The following MASP1 variants were observed in gnomAD, a reference collection of about 807,000 sequenced individuals.
The protein encoded by MASP1 is MBL associated serine protease 1, also known as mannan-binding lectin serine protease 1.
In MASP1, 59 loss-of-function variants were observed where a neutral mutation model predicts 77.1. The observed-to-expected ratio is 0.77, with a 90% CI of 0.62 to 0.95. The LOEUF (loss-of-function observed/expected upper bound fraction) is 0.95. MASP1 is among the 40% of genes least tolerant of loss of function. The pLI, the probability that MASP1 is intolerant of heterozygous loss-of-function variation, is 0.00. For missense variants in MASP1, 885 were observed against 912.9 expected (o/e 0.97, Z 0.39); for synonymous variants, 362 against 354.5 (o/e 1.02, Z -0.24).
chr3:187,237,955 T>TG (rs1713314261), intron 10 of MASP1, among the ~76,000 whole-genome samples: 1 of 152,226 alleles, frequency 6.6e-6, no homozygotes, highest in Non-Finnish European at 1.5e-5. Context: ...TGCTTGATCC[T>TG]GGGGCACCCT....
intron 4 of MASP1, among the ~76,000 whole-genome samples, chr3:187,257,887 G>A (rs1475006070): frequency 6.6e-6 from 1 of 152,052 alleles, no homozygotes; most frequent in Non-Finnish European, 1.5e-5. Flanking sequence ...ATGATGGAGT[G>A]GTAGGTTAGA....
chr3:187,237,278 C>G (rs1382837343), intron 10 of MASP1, among the ~76,000 whole-genome samples: 1 of 152,228 alleles, frequency 6.6e-6, no homozygotes, highest in East Asian at 1.9e-4. Flanking sequence ...AGTAAACCTC[C>G]TGAGTTTAAG....
downstream of MASP1, among the ~76,000 whole-genome samples, chr3:187,230,484 T>C (rs1712703432): frequency 6.6e-6 from 1 of 152,232 alleles, no homozygotes; most frequent in East Asian, 1.9e-4. Context: ...TTTTTTCCCC[T>C]TAAGCTGCTT....
chr3:187,220,496 C>CTTTTTTTTTTTTTTTTTTTTTTTTTTCTT (rs376566294), intron 15 of MASP1, among the ~76,000 whole-genome samples: 1 of 127,766 alleles, frequency 7.8e-6, no homozygotes, highest in African/African-American at 3.1e-5. Flanking sequence ...TTTTTTCTTT[C>CTTTTTTTTTTTTTTTTTTTTTTTTTTCTT]TTTTTTTTTT....
intron 5 of MASP1, among the ~76,000 whole-genome samples, chr3:187,254,273 C>A (rs148015553): frequency 6.6e-6 from 1 of 152,210 alleles, no homozygotes; most frequent in African/African-American, 2.4e-5. Context: ...GTAATCATTC[C>A]TATAATGGTA....
intron 4 of MASP1, among the ~76,000 whole-genome samples, chr3:187,258,877 T>G (rs80342625): frequency 0.084 from 12,830 of 152,250 alleles, 696 homozygotes; most frequent in East Asian, 0.25. Flanking sequence ...AACCCTGGAG[T>G]TGCTCTGAAC....
chr3:187,249,006 A>C (rs1391146020), intron 8 of MASP1, among the ~76,000 whole-genome samples: 1 of 152,176 alleles, frequency 6.6e-6, no homozygotes, highest in African/African-American at 2.4e-5. Context: ...TTGCATGAAA[A>C]TTCATGAAAG....
chr3:187,251,506 G>T, intron 7 of MASP1, 128 bp downstream of exon 7: 2 of 781,756 alleles, frequency 2.6e-6, no homozygotes, highest in South Asian at 1.4e-5. Context: ...TTGAGAAGTT[G>T]ATGGGCAGCT....
At chr3:187,259,895 C>T (rs1171402583) in intron 4 of MASP1, among the ~76,000 whole-genome samples, 2 of 152,158 alleles carry the variant, frequency 1.3e-5, no homozygotes, top group African/African-American at 4.8e-5. Context: ...TTGACTGTTC[C>T]CTGAAACATT....
chr3:187,281,082 C>T (rs767264046), intron 2 of MASP1, among the ~76,000 whole-genome samples: 4 of 152,246 alleles, frequency 2.6e-5, no homozygotes, highest in Non-Finnish European at 5.9e-5. Context: ...TGCCTCTTGC[C>T]TGCAGCATTA....
chr3:187,248,244 A>C (rs563155240), intron 8 of MASP1, among the ~76,000 whole-genome samples: 1 of 152,298 alleles, frequency 6.6e-6, no homozygotes, highest in African/African-American at 2.4e-5. Context: ...TCAGGGAAAA[A>C]TTATTAATGT....
chr3:187,240,491 G>A (rs989558670), intron 10 of MASP1, among the ~76,000 whole-genome samples: 4 of 152,038 alleles, frequency 2.6e-5, no homozygotes, highest in African/African-American at 7.2e-5. Flanking sequence ...TAAAAAAAAT[G>A]TAAATTACTA....
intron 11 of MASP1, chr3:187,226,612 A>G: frequency 1.2e-6 from 1 of 824,656 alleles, no homozygotes; most frequent in South Asian, 1.4e-5. Context: ...ACTCCAGAGG[A>G]CCCCTCAAGA....
chr3:187,278,084 T>C lies in MASP1; in HGVS notation c.237+7741A>G, dbSNP rs1270432319. On this transcript the variant is annotated intron_variant, in intron 2 of 10. Coordinates refer to ENST00000296280, the MANE Select transcript of MASP1 (RefSeq NM_139125.4). The stretch of plus-strand genomic sequence containing the variant: ...GAGCTAATTAGAGATGTGTTGGACA[T>C]ATGACATTAAAGCATTTACTTCATT... Among the ~76,000 whole-genome samples the C allele has an allele frequency of 4.6e-5, 7 of 152,354 alleles. No individual in the cohort carries two copies. The East Asian group carries it at 1.2e-3, about 25-fold the overall frequency.
chr3:187,260,776 C>A lies in MASP1; in HGVS notation c.512G>T (p.Gly171Val). The change falls in exon 4 of 11, where the codon GGC (glycine) becomes GTC (valine). Residue 171 changes from glycine to valine, a missense_variant. By Grantham distance (109) the Gly-to-Val change is moderately radical. Transcript: ENST00000296280. ...CCTGTTGTCTGTGTGGAGGATGTAGCCGAAGCGGCAGGAGCAGTAGTAGCC... is the reference window on the plus strand; with the variant it reads ...CCTGTTGTCTGTGTGGAGGATGTAGACGAAGCGGCAGGAGCAGTAGTAGCC... ...IGGYYCSCRF[G>V]YILHTDNRTC... 1 of 1,614,142 alleles carries A rather than the reference C, an allele frequency of 6.2e-7. No individual in the cohort carries two copies. Among genetic ancestry groups the A allele is most frequent in the Non-Finnish European group, 8.5e-7 (1 of 1,180,030 alleles).
Position 187,246,754 on chromosome 3 carries a change from AC to A in MASP1, c.1091-3134del, listed in dbSNP as rs1384084565. 4.1e-6 allele frequency: 4 copies of A among 973,010 alleles called. No individual in the cohort carries two copies. In the African/African-American group the frequency reaches 7.0e-5, roughly 17 times the overall value. 60.3% of individuals were successfully genotyped at this position (973,010 alleles called of 1,614,324 possible). On this transcript the variant is annotated intron_variant, in intron 8 of 10. Transcript: ENST00000296280. Reference sequence around the variant, plus strand: ...CCAGAAGACAGAACCTCTAATGATGACATTTCAGCCCTGCGCCAGATAGGGG... The same window carrying A: ...CCAGAAGACAGAACCTCTAATGATGAATTTCAGCCCTGCGCCAGATAGGGG...
At chr3:187,239,151 T>C (rs547938965) in intron 10 of MASP1, among the ~76,000 whole-genome samples, 1 of 148,370 alleles carries the variant, frequency 6.7e-6, no homozygotes, top group African/African-American at 2.5e-5. Flanking sequence ...GAGACCAGCC[T>C]GACCAACATA....
intron 2 of MASP1, among the ~76,000 whole-genome samples, chr3:187,266,636 T>C (rs1432451519): frequency 6.6e-6 from 1 of 152,036 alleles, no homozygotes; most frequent in African/African-American, 2.4e-5. Context: ...GCCTGGGGTA[T>C]TCAAATCTCA....
At chr3:187,257,297 G>T (rs1715177591) in intron 4 of MASP1, among the ~76,000 whole-genome samples, 1 of 152,084 alleles carries the variant, frequency 6.6e-6, no homozygotes, top group Admixed American at 6.5e-5. Flanking sequence ...CCCTGTCTTT[G>T]TTTTGTTTTT....
Sources: gnomAD v4.1 joint callset for allele counts (sites outside exome capture counted in the v4.1 genomes callset) on GRCh38, gnomAD v4.1.1 for gene constraint, MANE v1.5 for transcripts, NCBI Gene and HGNC (gene_info 2026-07-23, HGNC 2026-07-21) for gene names.